The following NBAS variants were observed in gnomAD, a reference collection of about 807,000 sequenced individuals.
NBAS encodes NBAS subunit of NRZ tethering complex.
In NBAS, 219 loss-of-function variants were observed where a neutral mutation model predicts 302.5. That is an observed-to-expected ratio of 0.72 (90% CI 0.65 to 0.81). The LOEUF is 0.81. NBAS is among the 30% of genes least tolerant of loss of function. The probability of loss-of-function intolerance (pLI) is 0.00; values close to 1 mark genes in which losing one functional copy is unlikely to be tolerated. For missense variants in NBAS, 2,932 were observed against 2,841.6 expected, an observed-to-expected ratio of 1.03 and a Z score of -0.72; for synonymous variants, 1,118 against 1,021.6, an observed-to-expected ratio of 1.09 and a Z score of -1.80.
intron 40 of NBAS, among the ~76,000 whole-genome samples, chr2:15,307,397 C>T (rs1671078219): frequency 6.6e-6 from 1 of 152,132 alleles, no homozygotes; most frequent in African/African-American, 2.4e-5. Flanking sequence ...GTAATTTACT[C>T]AGGGAAAACA....
At chr2:15,162,616 T>C (rs1285718118), downstream of NBAS, among the ~76,000 whole-genome samples, 1 of 152,206 alleles carries the variant, frequency 6.6e-6, no homozygotes. Context: ...GTCGCAAGTC[T>C]AAGAACTCTG....
chr2:14,923,103 G>A, the NBAS span, among the ~76,000 whole-genome samples: 1 of 152,240 alleles, frequency 6.6e-6, no homozygotes, highest in Non-Finnish European at 1.5e-5. Flanking sequence ...AGTGAGCCGA[G>A]ATTGCGCAAC....
chr2:15,399,112 T>C (rs1250607134), intron 26 of NBAS, among the ~76,000 whole-genome samples: 1 of 152,220 alleles, frequency 6.6e-6, no homozygotes, highest in African/African-American at 2.4e-5. Flanking sequence ...TAATAATTAA[T>C]AGATAAGCTC....
At chr2:15,015,199 C>T in the NBAS span, among the ~76,000 whole-genome samples, 1 of 150,198 alleles carries the variant, frequency 6.7e-6, no homozygotes. Flanking sequence ...TGAATTCTGC[C>T]AATAACTTTA....
the NBAS span, among the ~76,000 whole-genome samples, chr2:15,157,021 C>T: frequency 2.0e-5 from 3 of 152,042 alleles, no homozygotes; most frequent in African/African-American, 7.2e-5. Context: ...AATAATTTTA[C>T]ATGCAATGTC....
chr2:15,231,198 C>T (rs991957891), intron 47 of NBAS, among the ~76,000 whole-genome samples: 2 of 152,192 alleles, frequency 1.3e-5, no homozygotes, highest in African/African-American at 2.4e-5. Context: ...TTTTTAAAAT[C>T]GGGGGCCTAA....
chr2:15,175,878 T>C (rs887234305), intron 51 of NBAS, among the ~76,000 whole-genome samples: 2 of 152,210 alleles, frequency 1.3e-5, no homozygotes, highest in East Asian at 3.8e-4. Flanking sequence ...TTATAATGAA[T>C]AGCAAAATAA....
chr2:14,859,232 T>A, the NBAS span, among the ~76,000 whole-genome samples: 4 of 151,854 alleles, frequency 2.6e-5, no homozygotes. Context: ...ATTGGAAAAA[T>A]TAATATTGTC....
In NBAS at chr2:15,424,326, A is replaced by C; in HGVS notation, c.2566T>G (p.Tyr856Asp). 1 of 1,614,078 alleles carries C rather than the reference A, an allele frequency of 6.2e-7. No homozygotes were observed. The highest frequency in any genetic ancestry group is 8.5e-7 in the Non-Finnish European group (1 of 1,179,966). ...YQTRAEEIEH[Y>D]ARQVDCALSL... ...CCATTTCCCCTCACCTGCCGAGCAT[A>C]ATGCTCTATTTCCTCTGCTCTGGTC... The change falls in exon 23 of 52, where the codon TAT becomes GAT. Residue 856 changes from tyrosine to aspartate, a missense_variant. Transcript: ENST00000281513.
the NBAS span, among the ~76,000 whole-genome samples, chr2:14,971,058 C>A: frequency 6.6e-6 from 1 of 152,196 alleles, no homozygotes; most frequent in South Asian, 2.1e-4. Context: ...CCAACAATGG[C>A]AGGTTTAAAT....
chr2:15,420,066 G>A (rs1363507831), intron 23 of NBAS, among the ~76,000 whole-genome samples: 1 of 152,144 alleles, frequency 6.6e-6, no homozygotes, highest in Non-Finnish European at 1.5e-5. Flanking sequence ...TATTTGGGGA[G>A]AGGGATCTAA....
At chr2:15,258,567 G>A (rs951477989) in intron 44 of NBAS, among the ~76,000 whole-genome samples, 11 of 152,042 alleles carry the variant, frequency 7.2e-5, no homozygotes, top group African/African-American at 1.9e-4. Context: ...TCTGTCCTAC[G>A]CGGTTGAGAT....
chr2:14,861,923 A>G, the NBAS span, among the ~76,000 whole-genome samples: 1 of 152,188 alleles, frequency 6.6e-6, no homozygotes, highest in Non-Finnish European at 1.5e-5. Flanking sequence ...CACAGAACAG[A>G]CCTAGAAGAC....
chr2:15,174,730 C>T (rs2125108524), intron 51 of NBAS, among the ~76,000 whole-genome samples: 1 of 152,324 alleles, frequency 6.6e-6, no homozygotes. Context: ...GGGGTATAGA[C>T]TTTGAATGTT....
intron 48 of NBAS, among the ~76,000 whole-genome samples, chr2:15,204,443 AGAG>A (rs1328065811): frequency 1.3e-5 from 2 of 152,188 alleles, no homozygotes; most frequent in Non-Finnish European, 2.9e-5. Context: ...ATTGACAGAG[AGAG>A]GAGTTTACAA....
At chr2:15,326,747 T>C (rs753895762) in intron 38 of NBAS, among the ~76,000 whole-genome samples, 1 of 152,124 alleles carries the variant, frequency 6.6e-6, no homozygotes, top group Non-Finnish European at 1.5e-5. Context: ...TAGAGAAGGA[T>C]AGGTAGAAAA....
the NBAS span, among the ~76,000 whole-genome samples, chr2:14,784,876 G>T: frequency 6.6e-6 from 1 of 152,142 alleles, no homozygotes; most frequent in Admixed American, 6.5e-5. Flanking sequence ...GTAGCTTGAT[G>T]GGGATGGCAT....
chr2:15,244,641 T>G (rs1321854768), intron 44 of NBAS, among the ~76,000 whole-genome samples: 3 of 152,174 alleles, frequency 2.0e-5, no homozygotes, highest in African/African-American at 4.8e-5. Flanking sequence ...GGCAGAGGAT[T>G]TGTCCATTTG....
intron 47 of NBAS, among the ~76,000 whole-genome samples, chr2:15,219,913 G>A (rs1256293104): frequency 2.0e-5 from 3 of 147,256 alleles, no homozygotes; most frequent in Non-Finnish European, 3.0e-5. Context: ...GGGCAGAAGC[G>A]CCCCTCACCT....
Sources: allele counts gnomAD v4.1 joint callset (sites outside exome capture counted in the v4.1 genomes callset), GRCh38; gene constraint gnomAD v4.1.1; transcripts MANE v1.5; gene names NCBI Gene and HGNC (gene_info 2026-07-23, HGNC 2026-07-21).